WHRN: variants seen among roughly 807,000 people sequenced by gnomAD.
The protein encoded by WHRN is whirlin, also known as CASK-interacting protein CIP98.
Under a neutral mutation model 68.3 loss-of-function variants are expected in WHRN, and 41 were observed. The observed-to-expected ratio is 0.60, with a 90% CI of 0.47 to 0.78. The LOEUF (loss-of-function observed/expected upper bound fraction) is 0.78. Among genes scored for constraint, WHRN ranks in the 30% least tolerant of loss-of-function variants. The probability of loss-of-function intolerance (pLI) is 0.00; values close to 1 mark genes in which losing one functional copy is unlikely to be tolerated. For missense variants in WHRN, 1,243 were observed against 1,244.7 expected (o/e 1.00, Z 0.02); for synonymous variants, 560 against 561.3 (o/e 1.00, Z 0.03).
chr9:114,504,389 A>C lies in WHRN; in HGVS notation c.413T>G (p.Val138Gly), dbSNP rs774215581. 1.9e-6 allele frequency: 3 copies of C among 1,605,154 alleles called. No homozygotes were observed. Among genetic ancestry groups the C allele is most frequent in the Non-Finnish European group, 2.5e-6 (3 of 1,179,612 alleles). Residue 138 changes from valine (V) to glycine (G), a missense_variant, in exon 1 of 12, where the codon GTG becomes GGG. Coordinates refer to ENST00000362057, the MANE Select transcript of WHRN (RefSeq NM_015404.4). The stretch of plus-strand genomic sequence containing the variant: ...GGCACGCCGCAAACTCACCAGGCGC[A>C]CCTCCCCTGGCCCCGCGCTGTCGGG... ...GGPDSAGPGE[V>G]RLVSLRRAKA...
intron 3 of WHRN, among the ~76,000 whole-genome samples, chr9:114,446,063 A>G (rs1316273322): frequency 6.6e-6 from 1 of 152,228 alleles, no homozygotes; most frequent in Non-Finnish European, 1.5e-5. Context: ...CAAAGAATAC[A>G]GAGAAGAGAA....
chr9:114,407,920 G>T, intron 8 of WHRN, 27 bp downstream of exon 8: 17 of 1,580,952 alleles, frequency 1.1e-5, no homozygotes, highest in Non-Finnish European at 1.5e-5. Flanking sequence ...AGGGAGAGCA[G>T]AACCAAAGGG....
At chr9:114,449,512 G>T (rs181274832) in intron 3 of WHRN, among the ~76,000 whole-genome samples, 6 of 152,332 alleles carry the variant, frequency 3.9e-5, no homozygotes, top group African/African-American at 1.4e-4. Context: ...ACCAAGGGCC[G>T]CTGTAAAGAC....
At chr9:114,490,393 T>C (rs1272870489) in intron 1 of WHRN, among the ~76,000 whole-genome samples, 3 of 152,220 alleles carry the variant, frequency 2.0e-5, no homozygotes, top group African/African-American at 7.2e-5. Flanking sequence ...GGGTGTCTTC[T>C]CCCCTTTTCT....
At chr9:114,495,499 G>C (rs893113505) in intron 1 of WHRN, among the ~76,000 whole-genome samples, 1 of 152,098 alleles carries the variant, frequency 6.6e-6, no homozygotes, top group African/African-American at 2.4e-5. Context: ...ACAAGAGCAG[G>C]GGAAATATCC....
intron 3 of WHRN, among the ~76,000 whole-genome samples, chr9:114,433,263 C>T (rs2132492185): frequency 6.6e-6 from 1 of 152,346 alleles, no homozygotes; most frequent in South Asian, 2.1e-4. Flanking sequence ...GGCGGAATGG[C>T]AGTAGCTTCG....
At chr9:114,412,462 C>A (rs1202532445) in intron 7 of WHRN, among the ~76,000 whole-genome samples, 1 of 152,196 alleles carries the variant, frequency 6.6e-6, no homozygotes. Context: ...TGGGACCCTT[C>A]ACCCACTCTA....
At chr9:114,423,566 T>G (rs767040974) in intron 6 of WHRN, 43 bp from the exon 7 acceptor site, 2 of 1,561,128 alleles carry the variant, frequency 1.3e-6, no homozygotes, top group Non-Finnish European at 1.7e-6. Flanking sequence ...GGAGCGCTAC[T>G]AGAAGGTGGA....
chr9:114,478,374 C>T (rs1239204031), intron 2 of WHRN, 179 bp downstream of exon 2: 2 of 739,288 alleles, frequency 2.7e-6, no homozygotes, highest in East Asian at 5.3e-5. Flanking sequence ...ATAACATACA[C>T]TACACAGGTC....
At chr9:114,499,713 G>C (rs904435508) in intron 1 of WHRN, among the ~76,000 whole-genome samples, 3 of 152,246 alleles carry the variant, frequency 2.0e-5, no homozygotes, top group Non-Finnish European at 1.5e-5. Flanking sequence ...GGTGCAGGCA[G>C]GCTGTGTACC....
chr9:114,415,100 C>T (rs1262441284), intron 7 of WHRN, among the ~76,000 whole-genome samples: 1 of 152,054 alleles, frequency 6.6e-6, no homozygotes, highest in Non-Finnish European at 1.5e-5. Flanking sequence ...AGTTTGAGAC[C>T]AGCTTGGGCA....
In WHRN at chr9:114,406,658, A is replaced by C; in HGVS notation, c.1933T>G (p.Leu645Val). The change falls in exon 9 of 12, where the codon TTG becomes GTG. Residue 645 changes from leucine (L) to valine (V), a missense_variant. Physicochemically the swap from Leu to Val is conservative, Grantham distance 32 (BLOSUM62 1). Transcript: ENST00000362057. ...PTPGTSSAQD[L>V]PSSPIYASVS... ...GAGGCATAGATGGGGGAAGAGGGCA[A>C]GTCCTGTGCAGAGGAGGTCCCTGGG... 1 of 1,613,762 alleles carries C rather than the reference A, an allele frequency of 6.2e-7. No homozygotes were observed. The highest frequency in any genetic ancestry group is 8.5e-7 in the Non-Finnish European group (1 of 1,179,980).
chr9:114,493,083 C>T (rs779004618), intron 1 of WHRN, among the ~76,000 whole-genome samples: 1 of 152,082 alleles, frequency 6.6e-6, no homozygotes, highest in East Asian at 1.9e-4. Flanking sequence ...GGCACAGTGG[C>T]TCACGCCTGT....
At chr9:114,493,947 G>C (rs184458791) in intron 1 of WHRN, among the ~76,000 whole-genome samples, 1 of 152,202 alleles carries the variant, frequency 6.6e-6, no homozygotes, top group Non-Finnish European at 1.5e-5. Context: ...GTGCTTCTCC[G>C]TTAGCAGCCA....
intron 3 of WHRN, among the ~76,000 whole-genome samples, chr9:114,453,684 C>T (rs1354265644): frequency 2.0e-5 from 3 of 152,130 alleles, no homozygotes; most frequent in Non-Finnish European, 2.9e-5. Flanking sequence ...ACTACTAACA[C>T]TCAAGAAAGA....
chr9:114,463,838 C>T (rs776260493), intron 3 of WHRN, among the ~76,000 whole-genome samples: 7 of 152,200 alleles, frequency 4.6e-5, no homozygotes, highest in Non-Finnish European at 8.8e-5. Flanking sequence ...TGGCCGACAC[C>T]GTGGAACATC....
intron 7 of WHRN, among the ~76,000 whole-genome samples, chr9:114,414,636 G>A (rs1409986696): frequency 2.0e-5 from 3 of 152,218 alleles, no homozygotes; most frequent in Non-Finnish European, 4.4e-5. Flanking sequence ...GCAATCCCAA[G>A]TTGTCACAGG....
intron 3 of WHRN, among the ~76,000 whole-genome samples, chr9:114,446,152 C>T (rs1015267939): frequency 1.3e-5 from 2 of 152,106 alleles, no homozygotes; most frequent in Non-Finnish European, 2.9e-5. Flanking sequence ...AAACAAAATG[C>T]GATATCACCA....
rs1844200973 is a variant in WHRN at position 114,504,333 on chromosome 9, G to C, written c.469C>G (p.Arg157Gly). ...CCCACGCCGTGCTCCGAGCCCCCAC[G>C]GATGCTGAAGCCCAAGCCCTCGTGG... The part of the protein sequence containing the change: ...KAHEGLGFSI[R>G]GGSEHGVGIY... The change falls in exon 1 of 12, where the codon CGT becomes GGT. Residue 157 changes from arginine to glycine, a missense_variant. Transcript: ENST00000362057. The C allele has an allele frequency of 6.2e-7, 1 of 1,610,488 alleles. No individual in the cohort carries two copies. The highest frequency in any genetic ancestry group is 8.5e-7 in the Non-Finnish European group (1 of 1,180,006).
Sources: gnomAD v4.1 joint callset for allele counts (sites outside exome capture counted in the v4.1 genomes callset) on GRCh38, gnomAD v4.1.1 for gene constraint, MANE v1.5 for transcripts, NCBI Gene and HGNC (gene_info 2026-07-23, HGNC 2026-07-21) for gene names.